The following MRPS28 variants were observed in gnomAD, a reference collection of about 807,000 sequenced individuals.
MRPS28 encodes mitochondrial ribosomal protein S28.
In MRPS28, 7 loss-of-function variants were observed where a neutral mutation model predicts 10.8. The ratio of observed to expected loss-of-function variants is 0.65; its 90% CI spans 0.37 to 1.22. MRPS28 has a LOEUF of 1.22. Among genes scored for constraint, MRPS28 ranks in the 50% most tolerant of loss-of-function variants. MRPS28 has a pLI of 0.02. For missense variants in MRPS28, 265 were observed against 232.9 expected (o/e 1.14, Z -0.90); for synonymous variants, 121 against 93.3 (o/e 1.30, Z -1.71).
chr8:80,016,362 C>A (rs1809194976), intron 1 of MRPS28, among the ~76,000 whole-genome samples: 1 of 151,474 alleles, frequency 6.6e-6, no homozygotes, highest in African/African-American at 2.4e-5. Flanking sequence ...CCTCATAAAT[C>A]ATGCAATCAA....
chr8:79,985,481 C>G (rs1418102781), intron 2 of MRPS28, among the ~76,000 whole-genome samples: 1 of 152,068 alleles, frequency 6.6e-6, no homozygotes. Flanking sequence ...ATTAATGAAT[C>G]CAGGAGCTGG....
chr8:80,015,920 G>A (rs1809183074), intron 1 of MRPS28, among the ~76,000 whole-genome samples: 1 of 151,688 alleles, frequency 6.6e-6, no homozygotes, highest in African/African-American at 2.4e-5. Context: ...GGGCTTACAG[G>A]TAGATGACAC....
chr8:79,941,582 C>G (rs1011872839), intron 2 of MRPS28, among the ~76,000 whole-genome samples: 10 of 152,114 alleles, frequency 6.6e-5, no homozygotes, highest in Non-Finnish European at 2.9e-5. Flanking sequence ...TTTCCTGTCC[C>G]TAGTCCTTCT....
intron 2 of MRPS28, among the ~76,000 whole-genome samples, chr8:79,940,928 GA>G (rs1464810766): frequency 6.6e-6 from 1 of 152,064 alleles, no homozygotes; most frequent in Non-Finnish European, 1.5e-5. Flanking sequence ...TTATTTTTTG[GA>G]CGTAGGTATT....
intron 1 of MRPS28, among the ~76,000 whole-genome samples, chr8:80,013,714 A>G (rs1365289423): frequency 1.3e-5 from 2 of 152,046 alleles, no homozygotes; most frequent in Non-Finnish European, 2.9e-5. Context: ...ATATACTTTA[A>G]CTACTTCATA....
rs1231692048 is a variant in MRPS28 at position 79,919,063 on chromosome 8, T to C, written c.481A>G (p.Thr161Ala). The change falls in exon 3 of 3, where the codon ACT becomes GCT. Residue 161 changes from threonine to alanine, a missense_variant. Coordinates refer to ENST00000276585, the MANE Select transcript of MRPS28 (RefSeq NM_014018.3). Reference protein sequence around the residue: ...SRFLGATTDTTVLEANAVLLG... With the variant: ...SRFLGATTDTAVLEANAVLLG... Reference sequence around the variant, plus strand: ...AGAACTGCATTAGCCTCTAGTACAGTTGTATCTGTTGTTGCTCCCAGGAAC... The same window carrying C: ...AGAACTGCATTAGCCTCTAGTACAGCTGTATCTGTTGTTGCTCCCAGGAAC... The C allele has an allele frequency of 6.2e-7, 1 of 1,611,796 alleles. No homozygotes were observed. Among genetic ancestry groups the C allele is most frequent in the South Asian group, 1.1e-5 (1 of 90,568 alleles).
chr8:79,925,607 A>C (rs1008373555), intron 2 of MRPS28, among the ~76,000 whole-genome samples: 11 of 152,232 alleles, frequency 7.2e-5, no homozygotes, highest in African/African-American at 2.7e-4. Context: ...TTTTTTAATA[A>C]TGTGGAATAT....
At chr8:80,014,979 A>G (rs1809157556) in intron 1 of MRPS28, among the ~76,000 whole-genome samples, 1 of 152,200 alleles carries the variant, frequency 6.6e-6, no homozygotes. Flanking sequence ...AGAACTACTG[A>G]AAAGAAGCCT....
At chr8:79,963,204 C>CCGTA (rs1807416906) in intron 2 of MRPS28, among the ~76,000 whole-genome samples, 1 of 152,064 alleles carries the variant, frequency 6.6e-6, no homozygotes, top group East Asian at 1.9e-4. Flanking sequence ...AGGAAAAGCA[C>CCGTA]CGTATTCTCA....
At chr8:79,968,282 C>A (rs368166673) in intron 2 of MRPS28, among the ~76,000 whole-genome samples, 2 of 152,124 alleles carry the variant, frequency 1.3e-5, no homozygotes, top group Non-Finnish European at 2.9e-5. Flanking sequence ...CACATCCCTG[C>A]TTATAAGTCT....
At chr8:79,961,080 C>T (rs1321669546) in intron 2 of MRPS28, among the ~76,000 whole-genome samples, 2 of 152,176 alleles carry the variant, frequency 1.3e-5, no homozygotes, top group African/African-American at 4.8e-5. Context: ...CTCTGTTTAA[C>T]TACTATATCC....
At chr8:79,927,030 C>T (rs1810250026) in intron 2 of MRPS28, among the ~76,000 whole-genome samples, 1 of 152,166 alleles carries the variant, frequency 6.6e-6, no homozygotes, top group Non-Finnish European at 1.5e-5. Flanking sequence ...CTGAATCTTG[C>T]TTACTTCAAG....
chr8:79,998,054 CA>C (rs35716562), intron 2 of MRPS28, among the ~76,000 whole-genome samples: 134 of 131,014 alleles, frequency 1.0e-3, no homozygotes, highest in African/African-American at 1.5e-3. Context: ...GACTCTGTCT[CA>C]AAAAAAAAAA....
chr8:80,013,634 C>CAAAAAAAAAAAAAAAAAAAGAAAAAAAAA (rs1809117224), intron 1 of MRPS28, among the ~76,000 whole-genome samples: 2 of 75,628 alleles, frequency 2.6e-5, no homozygotes, highest in African/African-American at 5.4e-5. Flanking sequence ...GACTCCATCT[C>CAAAAAAAAAAAAAAAAAAAGAAAAAAAAA]AAAAAAAAAA....
intron 2 of MRPS28, among the ~76,000 whole-genome samples, chr8:79,940,325 T>C (rs561977836): frequency 1.3e-5 from 2 of 152,242 alleles, no homozygotes; most frequent in Non-Finnish European, 2.9e-5. Flanking sequence ...ACATATCATC[T>C]GGTACTTTGG....
intron 2 of MRPS28, among the ~76,000 whole-genome samples, chr8:79,986,781 CA>C (rs1808193880): frequency 6.6e-6 from 1 of 151,908 alleles, no homozygotes; most frequent in Admixed American, 6.6e-5. Context: ...AAAGAGGATA[CA>C]AACAAATGGA....
In MRPS28 at chr8:80,007,739, A is replaced by G. The variant is rs1197949786; in HGVS notation, c.214-4559T>C. On this transcript the variant is annotated intron_variant, in intron 1 of 2. Transcript: ENST00000276585. ...AGGGACGTGAAGGACCTCTTCAAGGAGAACTACAAACCACTGCTCAACGAA... is the reference window on the plus strand; with the variant it reads ...AGGGACGTGAAGGACCTCTTCAAGGGGAACTACAAACCACTGCTCAACGAA... Among the ~76,000 whole-genome samples the G allele has an allele frequency of 8.5e-5, 13 of 152,324 alleles. No homozygotes were observed. The East Asian group carries it at 2.5e-3, about 29-fold the overall frequency.
chr8:80,021,388 G>A (rs1366473372), intron 1 of MRPS28, among the ~76,000 whole-genome samples: 1 of 152,162 alleles, frequency 6.6e-6, no homozygotes, highest in Non-Finnish European at 1.5e-5. Context: ...AGAAATCTCT[G>A]TAATAGTGGT....
chr8:79,922,256 C>G (rs1456309257), intron 2 of MRPS28, among the ~76,000 whole-genome samples: 1 of 152,146 alleles, frequency 6.6e-6, no homozygotes, highest in Non-Finnish European at 1.5e-5. Flanking sequence ...ACAAACCCCA[C>G]ATGATCTCTC....
Sources: gnomAD v4.1 joint callset for allele counts (sites outside exome capture counted in the v4.1 genomes callset) on GRCh38, gnomAD v4.1.1 for gene constraint, MANE v1.5 for transcripts, NCBI Gene and HGNC (gene_info 2026-07-23, HGNC 2026-07-21) for gene names.